Variants in DMXL2 observed in about 807,000 individuals in gnomAD.
The protein encoded by DMXL2 is dmX-like protein 2.
In DMXL2, 103 loss-of-function variants were observed where a neutral mutation model predicts 331.1. The observed-to-expected ratio is 0.31, with a 90% CI of 0.27 to 0.37. DMXL2 has a LOEUF of 0.37. Among genes scored for constraint, DMXL2 ranks in the 10% least tolerant of loss-of-function variants. DMXL2 has a pLI of 1.00. For synonymous variants in DMXL2, 1,281 were observed against 1,252.1 expected (o/e 1.02, Z -0.49); for missense variants, 3,171 against 3,642.9 (o/e 0.87, Z 3.33).
At chr15:51,452,682 G>A (rs563468201) in intron 41 of DMXL2, among the ~76,000 whole-genome samples, 5 of 152,234 alleles carry the variant, frequency 3.3e-5, no homozygotes, top group Admixed American at 6.5e-5. Flanking sequence ...AACAGTATAC[G>A]GAGATTCCTT....
chr15:51,608,944 C>T (rs2053776125), intron 1 of DMXL2, among the ~76,000 whole-genome samples: 1 of 152,122 alleles, frequency 6.6e-6, no homozygotes. Flanking sequence ...AGCATTGACT[C>T]TGTAAAATAA....
rs1185778928 is a variant in DMXL2 at position 51,499,744 on chromosome 15, A to G, written c.3480T>C (p.Tyr1160=). 4.3e-6 allele frequency: 7 copies of G among 1,614,112 alleles called. No individual in the cohort carries two copies. The highest frequency in any genetic ancestry group is 2.7e-5 in the African/African-American group (2 of 75,044). ...CTAAATGTTTGATATTCGGAATAAG[A>G]TATCTATCCTTGCTCAAGAGTGCAT... The part of the protein sequence containing the change: ...KSDALLSKDR[Y]LIPNIKHLVH... Residue 1160 remains tyrosine, a synonymous_variant, in exon 18 of 44, where the codon TAT becomes TAC. Transcript: ENST00000560891.
chr15:51,457,682 G>A, intron 36 of DMXL2: 1 of 473,752 alleles, frequency 2.1e-6, no homozygotes, highest in South Asian at 3.5e-5. Context: ...GTTGTTTGGG[G>A]ACAACTTTAT....
intron 13 of DMXL2, among the ~76,000 whole-genome samples, chr15:51,527,284 A>G (rs1336856277): frequency 1.3e-5 from 2 of 152,224 alleles, no homozygotes; most frequent in Non-Finnish European, 2.9e-5. Flanking sequence ...AGAAGAGTGT[A>G]TCTAGTAAAA....
In DMXL2 at chr15:51,569,360, G is replaced by A. The variant is rs147549103; in HGVS notation, c.214-802C>T. 7.9e-3 allele frequency among the ~76,000 whole-genome samples: 1,205 copies of A among 152,226 alleles called. 20 individuals are homozygous for A. Among genetic ancestry groups the A allele is most frequent in the African/African-American group, 0.028 (1,155 of 41,546 alleles). The stretch of plus-strand genomic sequence containing the variant: ...TGGGTGGAGCCCACCACAGCTCCCC[G>A]AGACAGAGCACGTGGGGGAAGGGGC... On this transcript the variant is annotated intron_variant, in intron 2 of 43. Coordinates refer to ENST00000560891, the MANE Select transcript of DMXL2 (RefSeq NM_001378457.1).
At chr15:51,455,822 C>A (rs2039570698) in intron 39 of DMXL2, among the ~76,000 whole-genome samples, 1 of 152,188 alleles carries the variant, frequency 6.6e-6, no homozygotes, top group South Asian at 2.1e-4. Flanking sequence ...ACACTCAACA[C>A]AGGCAGTTTT....
chr15:51,509,921 T>C (rs1379082566), intron 15 of DMXL2, among the ~76,000 whole-genome samples: 1 of 152,228 alleles, frequency 6.6e-6, no homozygotes, highest in African/African-American at 2.4e-5. Context: ...TCAATAAATG[T>C]ACTCCATCAC....
chr15:51,469,327 C>T (rs1018225319), intron 29 of DMXL2, among the ~76,000 whole-genome samples: 3 of 151,656 alleles, frequency 2.0e-5, no homozygotes, highest in African/African-American at 4.8e-5. Context: ...ATTTTTGAAG[C>T]TACATGATGG....
intron 23 of DMXL2, among the ~76,000 whole-genome samples, chr15:51,482,420 T>G (rs992343133): frequency 6.6e-6 from 1 of 152,074 alleles, no homozygotes; most frequent in African/African-American, 2.4e-5. Flanking sequence ...AAACTTAACA[T>G]CTAAGAAGAA....
In DMXL2 at chr15:51,480,668, C is replaced by A. The variant is rs139670739; in HGVS notation, c.6438G>T (p.Ser2146=). ...AKREHAERRK[S]WLQKNQDLLR... Reference sequence around the variant, plus strand: ...GGAGATCTTGGTTTTTCTGCAACCACGACTTTCGTCTTTCTGCATGCTCTC... The same window carrying A: ...GGAGATCTTGGTTTTTCTGCAACCAAGACTTTCGTCTTTCTGCATGCTCTC... The change falls in exon 24 of 44, where the codon TCG becomes TCT. Residue 2146 remains serine (S), a synonymous_variant. Transcript: ENST00000560891. The A allele has an allele frequency of 1.2e-6, 2 of 1,612,770 alleles. No homozygotes were observed. Among genetic ancestry groups the A allele is most frequent in the South Asian group, 2.2e-5 (2 of 90,992 alleles).
chr15:51,484,483 A>G (rs2042246778), intron 23 of DMXL2, among the ~76,000 whole-genome samples: 1 of 152,124 alleles, frequency 6.6e-6, no homozygotes, highest in South Asian at 2.1e-4. Context: ...AAGAAGCTAC[A>G]TGGAGACTAC....
chr15:51,607,451 G>A (rs1055974414), intron 1 of DMXL2, among the ~76,000 whole-genome samples: 12 of 151,700 alleles, frequency 7.9e-5, no homozygotes, highest in South Asian at 4.2e-4. Context: ...GCGAGACTCC[G>A]TCTCAAAAAA....
intron 13 of DMXL2, among the ~76,000 whole-genome samples, chr15:51,533,343 T>C (rs558632448): frequency 2.0e-4 from 31 of 152,204 alleles, no homozygotes; most frequent in African/African-American, 6.0e-4. Context: ...GAGTACTATA[T>C]TATTATTTGA....
chr15:51,590,980 C>T (rs997446829), intron 1 of DMXL2, among the ~76,000 whole-genome samples: 4 of 152,136 alleles, frequency 2.6e-5, no homozygotes, highest in African/African-American at 7.2e-5. Context: ...ATAGGAACAG[C>T]TCCAGTCTAC....
intron 1 of DMXL2, among the ~76,000 whole-genome samples, chr15:51,582,791 G>C (rs1397333164): frequency 6.6e-6 from 1 of 151,962 alleles, no homozygotes; most frequent in Non-Finnish European, 1.5e-5. Flanking sequence ...AATGTTTTCA[G>C]TAACAAGATT....
chr15:51,535,287 T>C (rs181492308), intron 13 of DMXL2, among the ~76,000 whole-genome samples: 16 of 152,278 alleles, frequency 1.1e-4, no homozygotes, highest in Non-Finnish European at 2.2e-4. Flanking sequence ...TGAATCAAGC[T>C]TGAAAAAGTT....
At position 51,616,935 on chromosome 15, in the gene DMXL2, T is replaced by TAAA. The variant is rs34051640; in HGVS notation, c.87+5521_87+5523dup. Among the ~76,000 whole-genome samples the TAAA allele has an allele frequency of 5.6e-3, 456 of 81,212 alleles. 5 individuals carry two copies. Among genetic ancestry groups the TAAA allele is most frequent in the East Asian group, 0.016 (44 of 2,698 alleles). 53.3% of individuals were successfully genotyped at this position (81,212 alleles called of 152,430 possible). A position where few individuals can be genotyped will look rare whatever the true frequency, so the allele number is the denominator to read the frequency against. ...CTGGGTGACAGAGTGAGACTCCATC[T>TAAA]AAAAAAAAAAAAAAAAAAAAAAAAA... On this transcript the variant is annotated intron_variant, in intron 1 of 43. Coordinates refer to ENST00000560891, the MANE Select transcript of DMXL2 (RefSeq NM_001378457.1).
chr15:51,616,828 T>A (rs1189067411), intron 1 of DMXL2, among the ~76,000 whole-genome samples: 1 of 151,318 alleles, frequency 6.6e-6, no homozygotes, highest in Non-Finnish European at 1.5e-5. Flanking sequence ...TTCCAGCTAC[T>A]CAGGAGGCTG....
chr15:51,475,144 C>A (rs2041460663), intron 27 of DMXL2, among the ~76,000 whole-genome samples: 1 of 152,132 alleles, frequency 6.6e-6, no homozygotes, highest in Admixed American at 6.6e-5. Flanking sequence ...GAGAAAGACA[C>A]ATCTTTTTTG....
Sources: gnomAD v4.1 joint callset for allele counts (sites outside exome capture counted in the v4.1 genomes callset) on GRCh38, gnomAD v4.1.1 for gene constraint, MANE v1.5 for transcripts, NCBI Gene and HGNC (gene_info 2026-07-23, HGNC 2026-07-21) for gene names.